RAB8A: variants seen among roughly 807,000 people sequenced by gnomAD.
RAB8A encodes ras-related protein Rab-8A.
Under a neutral mutation model 29.2 loss-of-function variants are expected in RAB8A, and 5 were observed. That is an observed-to-expected ratio of 0.17 (90% CI 0.09 to 0.36). The LOEUF (loss-of-function observed/expected upper bound fraction) is 0.36, where lower values mean the gene tolerates loss of function less well. Ranked by LOEUF, RAB8A falls within the 10% of genes least tolerant of loss-of-function variation. The pLI, the probability that RAB8A is intolerant of heterozygous loss-of-function variation, is 1.00. For synonymous variants in RAB8A, 108 were observed against 99.9 expected (o/e 1.08, Z -0.49); for missense variants, 171 against 272.2 (o/e 0.63, Z 2.62).
chr19:16,114,287 A>G (rs2090836440), intron 1 of RAB8A, among the ~76,000 whole-genome samples: 1 of 151,844 alleles, frequency 6.6e-6, no homozygotes, highest in Non-Finnish European at 1.5e-5. Flanking sequence ...TAATAAAAAT[A>G]AAAGAAAGAA....
At chr19:16,120,923 T>G in intron 2 of RAB8A, among the ~76,000 whole-genome samples, 1 of 40,114 alleles carries the variant, frequency 2.5e-5, no homozygotes, top group East Asian at 7.3e-4. Context: ...TTAGGTTACC[T>G]TTTTTTTTTT....
At chr19:16,113,117 C>G (rs1477296105) in intron 1 of RAB8A, among the ~76,000 whole-genome samples, 1 of 152,230 alleles carries the variant, frequency 6.6e-6, no homozygotes, top group Non-Finnish European at 1.5e-5. Flanking sequence ...AGAAGTGGAG[C>G]TGACCTCTCT....
chr19:16,112,107 A>G, intron 1 of RAB8A, 82 bp downstream of exon 1: 3 of 1,554,400 alleles, frequency 1.9e-6, no homozygotes, highest in Non-Finnish European at 2.6e-6. Flanking sequence ...AGGGATCTAC[A>G]GGGCTGGACG....
rs2090936108 is a variant in RAB8A, at chr19:16,133,097, CCT to C, written c.*797_*798del. The C allele has an allele frequency of 6.6e-6, 1 of 152,460 alleles. No homozygotes were observed. The highest frequency in any genetic ancestry group is 1.5e-5 in the Non-Finnish European group (1 of 68,066). The allele number at this position is 152,460 out of a possible 1,614,324, so 9.4% of individuals were successfully genotyped here. A position where few individuals can be genotyped will look rare whatever the true frequency, so the allele number is the denominator to read the frequency against. On this transcript the variant is annotated 3_prime_UTR_variant, in exon 8 of 8. Coordinates refer to ENST00000300935, the MANE Select transcript of RAB8A (RefSeq NM_005370.5). ...GGTCCTCCTGAAGTTGGGGCACCCTCCTCTCAGCACCAAAATGGCCCCCACTC... is the reference window on the plus strand; with the variant it reads ...GGTCCTCCTGAAGTTGGGGCACCCTCCTCAGCACCAAAATGGCCCCCACTC...
Position 16,127,139 on chromosome 19 carries a change from C to G in RAB8A, c.325-298C>G, listed in dbSNP as rs181799965. On this transcript the variant is annotated intron_variant, in intron 4 of 7. Coordinates refer to ENST00000300935, the MANE Select transcript of RAB8A (RefSeq NM_005370.5). This position sits in a 1 kb window ranked among gnomAD's most constrained non-coding sequence, Gnocchi z 4.8. ...CTCACCTCCCATAGGCTAGACCCGCCCAGCATCCCAGGTGCGGGGGCTTGA... is the reference window on the plus strand; with the variant it reads ...CTCACCTCCCATAGGCTAGACCCGCGCAGCATCCCAGGTGCGGGGGCTTGA... 509 of 240,874 alleles carry G rather than the reference C, an allele frequency of 2.1e-3. 1 individual carries two copies. Among genetic ancestry groups the G allele is most frequent in the African/African-American group, 0.011 (489 of 44,922 alleles). The allele number at this position is 240,874 out of a possible 1,614,324, so 14.9% of individuals were successfully genotyped here. A position where few individuals can be genotyped will look rare whatever the true frequency, so the allele number is the denominator to read the frequency against.
rs73928744 is a variant in RAB8A, at chr19:16,132,163, G to A, written c.532-49G>A. The stretch of plus-strand genomic sequence containing the variant: ...GTGGATGGCTGGTTGATTGTGAGAC[G>A]TAGTGCTGATTCTCAGTGATAACCT... On this transcript the variant is annotated intron_variant, in intron 7 of 7. Coordinates refer to ENST00000300935, the MANE Select transcript of RAB8A (RefSeq NM_005370.5). This position sits in a 1 kb window ranked among gnomAD's most constrained non-coding sequence, Gnocchi z 5.6. 16 of 1,396,240 alleles carry A rather than the reference G, an allele frequency of 1.1e-5. No homozygotes were observed. In the African/African-American group the frequency reaches 1.3e-4, roughly 11 times the overall value. The allele number at this position is 1,396,240 out of a possible 1,614,324, so 86.5% of individuals were successfully genotyped here. A position where few individuals can be genotyped will look rare whatever the true frequency, so the allele number is the denominator to read the frequency against.
At chr19:16,114,405 C>A (rs1487364797) in intron 1 of RAB8A, among the ~76,000 whole-genome samples, 13 of 126,426 alleles carry the variant, frequency 1.0e-4, no homozygotes, top group Non-Finnish European at 2.1e-4. Context: ...TTGAGACAGT[C>A]TCTCTTTGTC....
At position 16,132,816 on chromosome 19, in the gene RAB8A, TC is replaced by T. The variant is rs1177530777; in HGVS notation, c.*514del. On this transcript the variant is annotated 3_prime_UTR_variant, in exon 8 of 8. Transcript: ENST00000300935. This position sits in a 1 kb window ranked among gnomAD's most constrained non-coding sequence, Gnocchi z 5.6. ...TCACCCAGGAGATTTGGCGCCCACT[TC>T]CACCTCTTCTCTCAGTTTTGGACAA... is the stretch of plus-strand genomic sequence containing the variant. 6.4e-6 allele frequency: 1 copy of T among 155,696 alleles called. No individual in the cohort carries two copies. The highest frequency in any genetic ancestry group is 2.4e-5 in the African/African-American group (1 of 41,468). The allele number at this position is 155,696 out of a possible 1,614,324, so 9.6% of individuals were successfully genotyped here. A position where few individuals can be genotyped will look rare whatever the true frequency, so the allele number is the denominator to read the frequency against.
intron 2 of RAB8A, among the ~76,000 whole-genome samples, chr19:16,120,423 G>T (rs904298230): frequency 1.4e-5 from 2 of 147,072 alleles, no homozygotes; most frequent in Admixed American, 1.4e-4. Flanking sequence ...AGCAATTCTC[G>T]TGCTTCAGCT....
chr19:16,124,987 G>C, intron 3 of RAB8A: 1,000 of 166,260 alleles, frequency 6.0e-3, no homozygotes, highest in South Asian at 0.037. Context: ...TTGTGTGGAT[G>C]TCGGGTCAGG....
rs1760495204 is a variant in RAB8A at position 16,134,149 on chromosome 19, G to A, written c.*1845G>A. The A allele has an allele frequency of 6.6e-6, 1 of 152,390 alleles. No individual in the cohort carries two copies. Among genetic ancestry groups the A allele is most frequent in the Admixed American group, 6.5e-5 (1 of 15,286 alleles). The allele number at this position is 152,390 out of a possible 1,614,324, so 9.4% of individuals were successfully genotyped here. A position where few individuals can be genotyped will look rare whatever the true frequency, so the allele number is the denominator to read the frequency against. On this transcript the variant is annotated 3_prime_UTR_variant, in exon 8 of 8. Transcript: ENST00000300935. ...AAGGCATGCAGAGTGAAGTCCAGAG[G>A]CAACCAGACAGAAGCATCCAGAATC...
chr19:16,124,948 G>A lies in RAB8A; in HGVS notation c.247-522G>A, dbSNP rs79214048. The stretch of plus-strand genomic sequence containing the variant: ...CTCTCGGCTCCATCTTCACACAGCC[G>A]GTTCCCTCTGTGGTGGGGTCACTGG... On this transcript the variant is annotated intron_variant, in intron 3 of 7. Coordinates refer to ENST00000300935, the MANE Select transcript of RAB8A (RefSeq NM_005370.5). The A allele has an allele frequency of 2.2e-3, 415 of 189,942 alleles. 1 individual carries two copies. Among genetic ancestry groups the A allele is most frequent in the African/African-American group, 8.8e-3 (381 of 43,260 alleles). The allele number at this position is 189,942 out of a possible 1,614,324, so 11.8% of individuals were successfully genotyped here. A position where few individuals can be genotyped will look rare whatever the true frequency, so the allele number is the denominator to read the frequency against.
intron 1 of RAB8A, among the ~76,000 whole-genome samples, chr19:16,117,278 C>A (rs2090850376): frequency 6.6e-6 from 1 of 151,870 alleles, no homozygotes; most frequent in African/African-American, 2.4e-5. Context: ...CATTTGAGGT[C>A]AGGAGTTTGA....
At position 16,122,724 on chromosome 19, in the gene RAB8A, A is replaced by G. The variant is rs1385723666; in HGVS notation, c.246+914A>G. Among the ~76,000 whole-genome samples the G allele has an allele frequency of 6.6e-6, 1 of 152,128 alleles. No homozygotes were observed. The highest frequency in any genetic ancestry group is 1.5e-5 in the Non-Finnish European group (1 of 68,024). On this transcript the variant is annotated intron_variant, in intron 3 of 7. Transcript: ENST00000300935. The surrounding 1 kb of genome is among the most constrained non-coding windows in gnomAD (Gnocchi z 4.7). The stretch of plus-strand genomic sequence containing the variant: ...CTCAGGAAAGACTTGTGGAGGGTGG[A>G]GATGGAAGGAGGCATTATGTGTTTA...
chr19:16,130,590 AT>A (rs2090920706), intron 7 of RAB8A, among the ~76,000 whole-genome samples: 1 of 151,766 alleles, frequency 6.6e-6, no homozygotes, highest in Admixed American at 6.6e-5. Context: ...TTTTCTTGCA[AT>A]TTTTTTTCTT....
intron 2 of RAB8A, among the ~76,000 whole-genome samples, chr19:16,119,333 G>A (rs1399827161): frequency 1.3e-5 from 2 of 152,062 alleles, no homozygotes; most frequent in Non-Finnish European, 2.9e-5. Flanking sequence ...AGCCTCCCAA[G>A]TAGCTGGTAT....
chr19:16,132,345 CTG>C lies in RAB8A; in HGVS notation c.*44_*45del, dbSNP rs759216091. On this transcript the variant is annotated 3_prime_UTR_variant, in exon 8 of 8. Transcript: ENST00000300935. This position sits in a 1 kb window ranked among gnomAD's most constrained non-coding sequence, Gnocchi z 5.6. ...TCTGAGCCTCGCTCAGCCCAGCTGA[CTG>C]TGCCTGTTCTGAGTGAGCCCCTCAC... 421 of 1,595,616 alleles carry C rather than the reference CTG, an allele frequency of 2.6e-4. No homozygotes were observed. Among genetic ancestry groups the C allele is most frequent in the Non-Finnish European group, 3.5e-4 (406 of 1,168,152 alleles).
intron 1 of RAB8A, 101 bp from the exon 2 acceptor site, chr19:16,118,125 A>C: frequency 1.0e-6 from 1 of 956,420 alleles, no homozygotes; most frequent in Non-Finnish European, 1.6e-6. Context: ...GGTCTCCGTA[A>C]GCCACAACAG....
rs997562532 is a variant in RAB8A, at chr19:16,122,382, T to C, written c.246+572T>C. On this transcript the variant is annotated intron_variant, in intron 3 of 7. Coordinates refer to ENST00000300935, the MANE Select transcript of RAB8A (RefSeq NM_005370.5). The surrounding 1 kb of genome is among the most constrained non-coding windows in gnomAD (Gnocchi z 4.7). ...GGTCCTGTGTCAGGGGCCCTGTGTG[T>C]ACATGGCAGGGCATTCAGGGGTAGA... Among the ~76,000 whole-genome samples, 6 of 152,126 alleles carry C rather than the reference T, an allele frequency of 3.9e-5. No homozygotes were observed. The highest frequency in any genetic ancestry group is 1.2e-4 in the African/African-American group (5 of 41,416).
Sources: allele counts gnomAD v4.1 joint callset (sites outside exome capture counted in the v4.1 genomes callset), GRCh38; gene constraint gnomAD v4.1.1; non-coding constraint Gnocchi (gnomAD v3.1); transcripts MANE v1.5; gene names NCBI Gene and HGNC (gene_info 2026-07-23, HGNC 2026-07-21).